Variants in PTPRD observed in about 807,000 individuals in gnomAD.
The protein encoded by PTPRD is protein tyrosine phosphatase receptor type D, also known as receptor-type tyrosine-protein phosphatase delta.
Under a neutral mutation model 214.5 loss-of-function variants are expected in PTPRD, and 34 were observed. That is an observed-to-expected ratio of 0.16 (90% CI 0.12 to 0.21). The LOEUF (loss-of-function observed/expected upper bound fraction) is 0.21, where lower values mean the gene tolerates loss of function less well. PTPRD is among the 10% of genes least tolerant of loss of function. The probability of loss-of-function intolerance (pLI) is 1.00; values close to 1 mark genes in which losing one functional copy is unlikely to be tolerated. For missense variants in PTPRD, 2,545 were observed against 2,398.7 expected (o/e 1.06, Z -1.27); for synonymous variants, 1,128 against 845.7 (o/e 1.33, Z -5.79).
rs189303113 is a variant in PTPRD, at chr9:10,507,569, C to G, written c.-600+104829G>C. Among the ~76,000 whole-genome samples the G allele has an allele frequency of 2.0e-5, 3 of 152,192 alleles. No homozygotes were observed. The East Asian group carries it at 5.8e-4, about 29-fold the overall frequency. On this transcript the variant is annotated intron_variant, in intron 2 of 45. Transcript: ENST00000381196. Reference sequence around the variant, plus strand: ...AACTATACTACAAGACTACAGTAACCAAAACAGCATGCCACTGGTACCAAA... The same window carrying G: ...AACTATACTACAAGACTACAGTAACGAAAACAGCATGCCACTGGTACCAAA...
At chr9:10,491,739 G>T (rs1409147973) in intron 2 of PTPRD, among the ~76,000 whole-genome samples, 1 of 151,336 alleles carries the variant, frequency 6.6e-6, no homozygotes, top group South Asian at 2.1e-4. Flanking sequence ...TATACTTTAA[G>T]TTCCGGGATA....
intron 11 of PTPRD, among the ~76,000 whole-genome samples, chr9:8,833,539 AT>A (rs149351483): frequency 6.7e-6 from 1 of 149,044 alleles, no homozygotes; most frequent in African/African-American, 2.5e-5. Flanking sequence ...TCTTTTTTTC[AT>A]TTTTTTTTCT....
chr9:10,221,030 A>C (rs978085339), intron 3 of PTPRD, among the ~76,000 whole-genome samples: 2 of 152,012 alleles, frequency 1.3e-5, no homozygotes, highest in African/African-American at 4.8e-5. Context: ...GAGGAAGAAA[A>C]GTTTTACTAG....
chr9:9,734,804 A>G (rs1012246724), intron 6 of PTPRD, among the ~76,000 whole-genome samples: 11 of 152,112 alleles, frequency 7.2e-5, no homozygotes, highest in Non-Finnish European at 7.4e-5. Context: ...TTCTAGCTCT[A>G]GAAAATATTT....
chr9:9,098,132 A>G lies in PTPRD; in HGVS notation c.-142-79397T>C, dbSNP rs900309859. ...ATTAGCAAATGTTCATTAACCATGT[A>G]TCACCTCAAATCACACACATTAATG... On this transcript the variant is annotated intron_variant, in intron 10 of 45. Coordinates refer to ENST00000381196, the MANE Select transcript of PTPRD (RefSeq NM_002839.4). Among the ~76,000 whole-genome samples the G allele has an allele frequency of 2.6e-5, 4 of 152,146 alleles. No individual in the cohort carries two copies. The East Asian group carries it at 7.7e-4, about 29-fold the overall frequency.
intron 4 of PTPRD, among the ~76,000 whole-genome samples, chr9:9,993,422 A>T (rs2096016413): frequency 6.6e-6 from 1 of 152,204 alleles, no homozygotes; most frequent in Non-Finnish European, 1.5e-5. Context: ...TTAGTAGTTA[A>T]AGGGATAAGT....
At chr9:9,906,919 G>A (rs184692471) in intron 5 of PTPRD, among the ~76,000 whole-genome samples, 5 of 151,962 alleles carry the variant, frequency 3.3e-5, no homozygotes, top group South Asian at 4.1e-4. Flanking sequence ...AATTCACTGC[G>A]TTTGTGGCCT....
chr9:9,303,800 T>C (rs1468865003), intron 9 of PTPRD, among the ~76,000 whole-genome samples: 1 of 152,130 alleles, frequency 6.6e-6, no homozygotes, highest in African/African-American at 2.4e-5. Context: ...GAGAATGCTG[T>C]TTACAATAAG....
intron 2 of PTPRD, among the ~76,000 whole-genome samples, chr9:10,409,867 T>C (rs2098416227): frequency 1.3e-5 from 2 of 151,716 alleles, no homozygotes; most frequent in Admixed American, 1.3e-4. Context: ...GTGAGCCATC[T>C]TGGAAGCAGA....
intron 8 of PTPRD, among the ~76,000 whole-genome samples, chr9:9,403,427 C>CTCTCTCTT (rs1160168416): frequency 6.6e-6 from 1 of 151,036 alleles, no homozygotes; most frequent in Non-Finnish European, 1.5e-5. Context: ...CTCTTTCTCT[C>CTCTCTCTT]TCTCTCTCCA....
At chr9:10,403,958 TG>T (rs540973172) in intron 2 of PTPRD, among the ~76,000 whole-genome samples, 48 of 151,816 alleles carry the variant, frequency 3.2e-4, no homozygotes, top group Non-Finnish European at 6.2e-4. Context: ...ATCCACAGAA[TG>T]TACCACAGCG....
At chr9:9,639,688 T>C (rs2095874977) in intron 7 of PTPRD, among the ~76,000 whole-genome samples, 2 of 152,186 alleles carry the variant, frequency 1.3e-5, no homozygotes. Flanking sequence ...TCCAAAATTA[T>C]GGGTGATAGA....
chr9:10,519,427 G>C (rs1291229348), intron 2 of PTPRD, among the ~76,000 whole-genome samples: 1 of 151,890 alleles, frequency 6.6e-6, no homozygotes, highest in African/African-American at 2.4e-5. Context: ...ACATAATAAA[G>C]ATATTCAAAC....
chr9:8,741,092 G>A (rs1328423433), intron 11 of PTPRD, among the ~76,000 whole-genome samples: 1 of 152,000 alleles, frequency 6.6e-6, no homozygotes, highest in Non-Finnish European at 1.5e-5. Context: ...TACATTGGAA[G>A]CACATATAAA....
At chr9:10,002,903 T>G (rs915324838) in intron 4 of PTPRD, among the ~76,000 whole-genome samples, 1 of 151,772 alleles carries the variant, frequency 6.6e-6, no homozygotes, top group East Asian at 1.9e-4. Flanking sequence ...TGGAACATTC[T>G]TCAGGATGTA....
At chr9:10,030,309 A>T (rs1414821668) in intron 4 of PTPRD, among the ~76,000 whole-genome samples, 1 of 67,718 alleles carries the variant, frequency 1.5e-5, no homozygotes, top group African/African-American at 7.3e-5. Flanking sequence ...CTGGGTAGAT[A>T]CCCTTTAATT....
chr9:9,765,994 T>A (rs1248810369), intron 6 of PTPRD, among the ~76,000 whole-genome samples: 1 of 152,184 alleles, frequency 6.6e-6, no homozygotes, highest in Non-Finnish European at 1.5e-5. Context: ...TCAAGCAATT[T>A]TTCTCTTGTT....
intron 6 of PTPRD, among the ~76,000 whole-genome samples, chr9:9,761,417 TAGTTATAAAA>T (rs1468736875): frequency 6.6e-6 from 1 of 152,138 alleles, no homozygotes; most frequent in Non-Finnish European, 1.5e-5. Context: ...GAGGTGAGTG[TAGTTATAAAA>T]AGGCAACCTG....
intron 27 of PTPRD, among the ~76,000 whole-genome samples, chr9:8,487,216 T>G (rs1184388898): frequency 6.6e-6 from 1 of 152,200 alleles, no homozygotes; most frequent in Non-Finnish European, 1.5e-5. Context: ...CCATAATTAT[T>G]AATAATCTGA....
Sources: gnomAD v4.1 joint callset for allele counts (sites outside exome capture counted in the v4.1 genomes callset) on GRCh38, gnomAD v4.1.1 for gene constraint, MANE v1.5 for transcripts, NCBI Gene and HGNC (gene_info 2026-07-23, HGNC 2026-07-21) for gene names.